Variants in SH3BP4 observed in about 807,000 individuals in gnomAD.
The protein encoded by SH3BP4 is SH3 domain-binding protein 4.
In SH3BP4, 33 loss-of-function variants were observed where a neutral mutation model predicts 65.5. The observed-to-expected ratio is 0.50, with a 90% CI of 0.38 to 0.67. SH3BP4 has a LOEUF of 0.67. Ranked by LOEUF, SH3BP4 falls within the 30% of genes least tolerant of loss-of-function variation. The pLI is 0.00. For synonymous variants in SH3BP4, 552 were observed against 545.5 expected (o/e 1.01, Z -0.17); for missense variants, 1,134 against 1,261.4 (o/e 0.90, Z 1.53).
chr2:234,963,722 G>GAT (rs1490793537), intron 1 of SH3BP4, among the ~76,000 whole-genome samples: 7 of 152,194 alleles, frequency 4.6e-5, no homozygotes, highest in Non-Finnish European at 1.0e-4. Context: ...ATGAGTGATG[G>GAT]TTTTCATGCA....
intron 1 of SH3BP4, among the ~76,000 whole-genome samples, chr2:234,956,497 G>T (rs951394239): frequency 2.0e-5 from 3 of 151,820 alleles, no homozygotes; most frequent in African/African-American, 7.3e-5. Flanking sequence ...TACTTCCTTT[G>T]AAAGGATTTT....
At chr2:234,983,019 G>T (rs1162766604) in intron 1 of SH3BP4, among the ~76,000 whole-genome samples, 1 of 152,214 alleles carries the variant, frequency 6.6e-6, no homozygotes, top group African/African-American at 2.4e-5. Flanking sequence ...GCCGATTACA[G>T]GTGCTTGGGA....
chr2:235,011,469 A>G (rs11690481), intron 2 of SH3BP4, among the ~76,000 whole-genome samples: 16,267 of 152,200 alleles, frequency 0.11, 1,324 homozygotes, highest in East Asian at 0.28. Context: ...ATTTCCAAAT[A>G]TGGTAAAATG....
chr2:235,034,797 A>C lies in SH3BP4; in HGVS notation c.-132-74A>C. On this transcript the variant is annotated intron_variant, in intron 2 of 5. Transcript: ENST00000392011. This position sits in a 1 kb window ranked among gnomAD's most constrained non-coding sequence, Gnocchi z 6.2. ...ACAGCCTGGAAGAAAGAGGATTCCC[A>C]CTTCCCATAAAATTACCATTGAACC... 1 of 566,502 alleles carries C rather than the reference A, an allele frequency of 1.8e-6. No individual in the cohort carries two copies. The highest frequency in any genetic ancestry group is 3.2e-6 in the Non-Finnish European group (1 of 317,104). 35.1% of individuals were successfully genotyped at this position (566,502 alleles called of 1,614,324 possible).
intron 2 of SH3BP4, among the ~76,000 whole-genome samples, chr2:235,024,511 C>A (rs1350409863): frequency 6.6e-6 from 1 of 152,150 alleles, no homozygotes; most frequent in Non-Finnish European, 1.5e-5. Flanking sequence ...GTGTGTGTCA[C>A]TAATGAGAAC....
At position 235,054,672 on chromosome 2, in the gene SH3BP4, C is replaced by T. The variant is rs1011471099; in HGVS notation, c.*856C>T. On this transcript the variant is annotated 3_prime_UTR_variant, in exon 6 of 6. Coordinates refer to ENST00000392011, the MANE Select transcript of SH3BP4 (RefSeq NM_014521.3). ...TGAGGTGGTCCCTGCTGCTACGAGG[C>T]CATTGTACTGTTTTTTCCTTGAGGT... 1.3e-5 allele frequency: 2 copies of T among 152,192 alleles called. No individual in the cohort carries two copies. The highest frequency in any genetic ancestry group is 2.4e-5 in the African/African-American group (1 of 41,440). 9.4% of individuals were successfully genotyped at this position (152,192 alleles called of 1,614,324 possible).
At chr2:235,017,595 C>T (rs1173616134) in intron 2 of SH3BP4, among the ~76,000 whole-genome samples, 1 of 152,126 alleles carries the variant, frequency 6.6e-6, no homozygotes, top group African/African-American at 2.4e-5. Flanking sequence ...CATCTGTCTT[C>T]TCAGGATGAG....
chr2:235,035,626 G>A lies in SH3BP4; in HGVS notation c.118+506G>A, dbSNP rs186738683. On this transcript the variant is annotated intron_variant, in intron 3 of 5. Coordinates refer to ENST00000392011, the MANE Select transcript of SH3BP4 (RefSeq NM_014521.3). The surrounding 1 kb of genome is among the most constrained non-coding windows in gnomAD (Gnocchi z 5.0). ...GTTAAGTCATTAAATAGCCAGAGTCGTGTTTCCAAGACAACTTTTTTTTTG... is the reference window on the plus strand; with the variant it reads ...GTTAAGTCATTAAATAGCCAGAGTCATGTTTCCAAGACAACTTTTTTTTTG... Among the ~76,000 whole-genome samples the A allele has an allele frequency of 9.2e-5, 14 of 152,310 alleles. No individual in the cohort carries two copies. Among genetic ancestry groups the A allele is most frequent in the East Asian group, 3.9e-4 (2 of 5,182 alleles).
At chr2:234,988,998 C>T (rs1439785914) in intron 1 of SH3BP4, among the ~76,000 whole-genome samples, 1 of 152,140 alleles carries the variant, frequency 6.6e-6, no homozygotes, top group Non-Finnish European at 1.5e-5. Flanking sequence ...CCATCTGTTG[C>T]CCAAATACGT....
At chr2:234,992,846 G>A (rs1037689666) in intron 1 of SH3BP4, among the ~76,000 whole-genome samples, 5 of 147,218 alleles carry the variant, frequency 3.4e-5, no homozygotes, top group South Asian at 2.2e-4. Flanking sequence ...CGTTCCTGCC[G>A]TGTGGCTCTG....
At chr2:235,008,922 T>C (rs1488056348) in intron 2 of SH3BP4, among the ~76,000 whole-genome samples, 1 of 152,228 alleles carries the variant, frequency 6.6e-6, no homozygotes, top group Non-Finnish European at 1.5e-5. Flanking sequence ...CTGTAAGCTC[T>C]ACCACACCAG....
chr2:235,028,521 G>A (rs1047690202), intron 2 of SH3BP4, among the ~76,000 whole-genome samples: 3 of 152,178 alleles, frequency 2.0e-5, no homozygotes, highest in Non-Finnish European at 2.9e-5. Context: ...GATACCTACC[G>A]AGTTACCTCT....
Position 235,043,323 on chromosome 2 carries a change from G to T in SH3BP4, c.2478+76G>T, listed in dbSNP as rs1477401505. On this transcript the variant is annotated intron_variant, in intron 4 of 5. Transcript: ENST00000392011. Reference sequence around the variant, plus strand: ...CTTTCCGCCTTCCCAGTGCACATGGGCGTGGGCCGTGGTGTCGTAAGTCAC... The same window carrying T: ...CTTTCCGCCTTCCCAGTGCACATGGTCGTGGGCCGTGGTGTCGTAAGTCAC... The T allele has an allele frequency of 4.0e-6, 5 of 1,249,890 alleles. No individual in the cohort carries two copies. In the African/African-American group the frequency reaches 7.5e-5, roughly 19 times the overall value. The allele number at this position is 1,249,890 out of a possible 1,614,324, so 77.4% of individuals were successfully genotyped here.
At chr2:234,975,763 C>G (rs1693148969) in intron 1 of SH3BP4, among the ~76,000 whole-genome samples, 1 of 152,128 alleles carries the variant, frequency 6.6e-6, no homozygotes, top group Non-Finnish European at 1.5e-5. Context: ...GTAGACTCAG[C>G]TACCCGGGAG....
intron 1 of SH3BP4, among the ~76,000 whole-genome samples, chr2:234,992,398 G>A (rs1693772929): frequency 6.6e-6 from 1 of 152,232 alleles, no homozygotes; most frequent in Admixed American, 6.5e-5. Context: ...ACCAAGTGGA[G>A]TGAAGTGAGC....
chr2:234,998,502 C>G (rs919064067), intron 2 of SH3BP4, among the ~76,000 whole-genome samples: 17 of 152,252 alleles, frequency 1.1e-4, no homozygotes, highest in Non-Finnish European at 2.4e-4. Flanking sequence ...TCACGTCAGA[C>G]TGAGGTTCTC....
rs768462396 is a variant in SH3BP4, at chr2:235,042,320, C to G, written c.1551C>G (p.Ala517=). The change falls in exon 4 of 6, where the codon GCC becomes GCG. Residue 517 remains alanine, a synonymous_variant. Transcript: ENST00000392011. The surrounding 1 kb of genome is among the most constrained non-coding windows in gnomAD (Gnocchi z 7.3). The stretch of plus-strand genomic sequence containing the variant: ...TCACACGCCAGGCACCCAACCCTGC[C>G]CCGGTGGCCCTGCAGCTGTGGGGGA... The part of the protein sequence containing the change: ...SEVTRQAPNP[A]PVALQLWGKH... 4 of 1,614,104 alleles carry G rather than the reference C, an allele frequency of 2.5e-6. No individual in the cohort carries two copies. In the Admixed American group the frequency reaches 6.7e-5, roughly 27 times the overall value.
intron 1 of SH3BP4, among the ~76,000 whole-genome samples, chr2:234,990,502 C>A (rs1394325135): frequency 1.3e-5 from 2 of 152,238 alleles, no homozygotes; most frequent in Non-Finnish European, 2.9e-5. Flanking sequence ...GTTGTTGGAA[C>A]AAAATTAGTT....
At chr2:235,044,799 C>T (rs547744276) in intron 4 of SH3BP4, among the ~76,000 whole-genome samples, 334 of 152,322 alleles carry the variant, frequency 2.2e-3, no homozygotes, top group Non-Finnish European at 3.9e-3. Flanking sequence ...GGACGCAGCC[C>T]GGCAGGAGTG....
Sources: gnomAD v4.1 joint callset for allele counts (sites outside exome capture counted in the v4.1 genomes callset) on GRCh38, gnomAD v4.1.1 for gene constraint, Gnocchi (gnomAD v3.1) non-coding constraint, MANE v1.5 for transcripts, NCBI Gene and HGNC (gene_info 2026-07-23, HGNC 2026-07-21) for gene names.